NRG3: variants seen among roughly 807,000 people sequenced by gnomAD.
The protein encoded by NRG3 is pro-neuregulin-3, membrane-bound isoform.
A neutral mutation model predicts 66.9 loss-of-function variants in NRG3; 31 were observed. That is an observed-to-expected ratio of 0.46 (90% confidence interval 0.35 to 0.63). The LOEUF is 0.63. Ranked by LOEUF, NRG3 falls within the 20% of genes least tolerant of loss-of-function variation. The pLI is 0.00. For missense variants in NRG3, 910 were observed against 878.9 expected (o/e 1.04, Z -0.45); for synonymous variants, 393 against 359.4 (o/e 1.09, Z -1.06).
chr10:82,510,077 G>T (rs923440436), intron 2 of NRG3, among the ~76,000 whole-genome samples: 1 of 152,030 alleles, frequency 6.6e-6, no homozygotes, highest in Non-Finnish European at 1.5e-5. Flanking sequence ...TCAAGTCTCA[G>T]CTCAAATATA....
intron 2 of NRG3, among the ~76,000 whole-genome samples, chr10:82,504,872 CT>C (rs113956199): frequency 1.7e-3 from 251 of 147,444 alleles, no homozygotes; most frequent in African/African-American, 5.3e-3. Context: ...CTTTTTTTTA[CT>C]TTTTTTTTTG....
intron 1 of NRG3, among the ~76,000 whole-genome samples, chr10:82,268,540 A>G (rs190829345): frequency 1.3e-5 from 2 of 152,200 alleles, no homozygotes; most frequent in East Asian, 3.9e-4. Context: ...TTTTAAATCT[A>G]TCCTCTTTCT....
chr10:82,731,334 T>A (rs2057890764), intron 2 of NRG3, among the ~76,000 whole-genome samples: 1 of 138,526 alleles, frequency 7.2e-6, no homozygotes, highest in African/African-American at 2.8e-5. Context: ...GCCACTGCAC[T>A]CCAGCCTGGG....
chr10:82,985,688 A>G lies in NRG3; in HGVS notation c.*83A>G. The G allele has an allele frequency of 7.1e-7, 1 of 1,414,298 alleles. No individual in the cohort carries two copies. The highest frequency in any genetic ancestry group is 9.5e-7 in the Non-Finnish European group (1 of 1,049,008). The allele number at this position is 1,414,298 out of a possible 1,614,324, so 87.6% of individuals were successfully genotyped here. ...CAAATACAAATTATTTATATGCATT[A>G]ATTTAAGAGCATCTACTTAGAAGAA... is the stretch of plus-strand genomic sequence containing the variant. On this transcript the variant is annotated 3_prime_UTR_variant, in exon 9 of 9. Transcript: ENST00000372141.
At chr10:82,185,819 G>A (rs1051072322) in intron 1 of NRG3, among the ~76,000 whole-genome samples, 9 of 152,212 alleles carry the variant, frequency 5.9e-5, no homozygotes, top group Admixed American at 5.9e-4. Context: ...CTCATCATTG[G>A]TTTTATTCTA....
intron 1 of NRG3, among the ~76,000 whole-genome samples, chr10:82,341,099 A>C (rs1319309731): frequency 6.6e-6 from 1 of 152,166 alleles, no homozygotes; most frequent in Admixed American, 6.6e-5. Flanking sequence ...CATGTACCCC[A>C]TGAATATATA....
At chr10:82,022,157 A>G (rs545833847) in intron 1 of NRG3, among the ~76,000 whole-genome samples, 2 of 152,074 alleles carry the variant, frequency 1.3e-5, no homozygotes, top group Non-Finnish European at 2.9e-5. Context: ...GATAAGCAAA[A>G]TGTGCTTCAG....
intron 1 of NRG3, among the ~76,000 whole-genome samples, chr10:82,050,479 G>T (rs1452420217): frequency 6.6e-6 from 1 of 151,926 alleles, no homozygotes; most frequent in Non-Finnish European, 1.5e-5. Context: ...AGTTGTTCAG[G>T]ATTCTCATTG....
intron 2 of NRG3, among the ~76,000 whole-genome samples, chr10:82,659,680 A>G (rs1233175420): frequency 6.6e-6 from 1 of 152,150 alleles, no homozygotes; most frequent in African/African-American, 2.4e-5. Context: ...CAGAAAACCA[A>G]AGAAAAATAT....
chr10:82,358,181 T>G (rs2083899085), intron 1 of NRG3, among the ~76,000 whole-genome samples: 1 of 152,200 alleles, frequency 6.6e-6, no homozygotes, highest in Non-Finnish European at 1.5e-5. Flanking sequence ...TCTTCATATT[T>G]GAGAATCTGT....
intron 1 of NRG3, among the ~76,000 whole-genome samples, chr10:82,288,415 A>G (rs2079541066): frequency 6.6e-6 from 1 of 152,158 alleles, no homozygotes; most frequent in South Asian, 2.1e-4. Context: ...TATGGAAAAG[A>G]CATTGTTTTT....
chr10:82,328,504 G>T (rs1219392771), intron 1 of NRG3, among the ~76,000 whole-genome samples: 2 of 152,130 alleles, frequency 1.3e-5, no homozygotes, highest in Non-Finnish European at 2.9e-5. Context: ...TTACTGATTG[G>T]TTGGCCAACA....
intron 1 of NRG3, among the ~76,000 whole-genome samples, chr10:81,909,273 G>C (rs1163808543): frequency 3.9e-5 from 6 of 152,004 alleles, no homozygotes; most frequent in African/African-American, 7.2e-5. Flanking sequence ...TGGGTTTAAG[G>C]CCCATTCTAC....
At chr10:82,686,061 A>G (rs2095502) in intron 2 of NRG3, among the ~76,000 whole-genome samples, 31,399 of 152,216 alleles carry the variant, frequency 0.21, 3,442 homozygotes, top group Middle Eastern at 0.34. Flanking sequence ...CAGAAAGAGT[A>G]TACTCTAAAA....
Position 82,348,802 on chromosome 10 carries a change from C to G in NRG3, c.824-9937C>G, listed in dbSNP as rs141386929. 4.7e-3 allele frequency among the ~76,000 whole-genome samples: 717 copies of G among 151,858 alleles called. 5 individuals are homozygous for G. The highest frequency in any genetic ancestry group is 0.017 in the African/African-American group (687 of 41,376). ...TTTTTTCTCTAAACTTCCCATCTCA[C>G]TTCATTTCATTCATTTCATCTTCCA... is the stretch of plus-strand genomic sequence containing the variant. On this transcript the variant is annotated intron_variant, in intron 1 of 8. Coordinates refer to ENST00000372141, the MANE Select transcript of NRG3 (RefSeq NM_001010848.4).
intron 1 of NRG3, among the ~76,000 whole-genome samples, chr10:81,882,049 A>G (rs1842227887): frequency 6.6e-6 from 1 of 152,214 alleles, no homozygotes; most frequent in Admixed American, 6.5e-5. Context: ...ATTATCTTTC[A>G]TTTCCATAAT....
chr10:82,238,945 T>C (rs1461949577), intron 1 of NRG3, among the ~76,000 whole-genome samples: 2 of 141,126 alleles, frequency 1.4e-5, no homozygotes, highest in African/African-American at 5.2e-5. Context: ...ATATAATATA[T>C]ACTTCTTGTG....
At chr10:81,913,476 T>C (rs1394106949) in intron 1 of NRG3, among the ~76,000 whole-genome samples, 1 of 151,790 alleles carries the variant, frequency 6.6e-6, no homozygotes, top group Non-Finnish European at 1.5e-5. Flanking sequence ...CAGGCTGGAG[T>C]GCAGTGGTGT....
At chr10:82,285,830 C>A (rs1207872421) in intron 1 of NRG3, among the ~76,000 whole-genome samples, 3 of 152,170 alleles carry the variant, frequency 2.0e-5, no homozygotes, top group African/African-American at 7.2e-5. Context: ...GCTTTCCAAC[C>A]ACAAGTCAGA....
Sources: allele counts gnomAD v4.1 joint callset (sites outside exome capture counted in the v4.1 genomes callset), GRCh38; gene constraint gnomAD v4.1.1; transcripts MANE v1.5; gene names NCBI Gene and HGNC (gene_info 2026-07-23, HGNC 2026-07-21).